Variants in TYR observed in about 807,000 individuals in gnomAD.
The protein encoded by TYR is LB24-AB.
In TYR, 58 loss-of-function variants were observed where a neutral mutation model predicts 51.5. The ratio of observed to expected loss-of-function variants is 1.13; its 90% CI spans 0.91 to 1.40. The LOEUF (loss-of-function observed/expected upper bound fraction) is 1.40. Ranked by LOEUF, TYR falls within the 40% of genes most tolerant of loss-of-function variation. The pLI is 0.00. For missense variants in TYR, 732 were observed against 647.4 expected, an observed-to-expected ratio of 1.13 and a Z score of -1.42; for synonymous variants, 263 against 235.2, an observed-to-expected ratio of 1.12 and a Z score of -1.08.
intron 3 of TYR, among the ~76,000 whole-genome samples, chr11:89,231,094 T>C (rs12808354): frequency 0.23 from 34,516 of 148,826 alleles, 6,366 homozygotes; most frequent in African/African-American, 0.52. Flanking sequence ...TTGTTTTAAC[T>C]TGGGAGGTAG....
At chr11:89,195,389 G>A (rs991746446) in intron 2 of TYR, among the ~76,000 whole-genome samples, 1 of 152,070 alleles carries the variant, frequency 6.6e-6, no homozygotes. Context: ...GTGTAAGAGA[G>A]ACCACATGGC....
intron 3 of TYR, among the ~76,000 whole-genome samples, chr11:89,263,466 G>A (rs897693842): frequency 8.6e-5 from 13 of 152,030 alleles, no homozygotes; most frequent in Admixed American, 7.9e-4. Context: ...AGGCAAAGAT[G>A]TTTGCTTAGA....
At chr11:89,276,871 C>T (rs1565420930) in intron 3 of TYR, among the ~76,000 whole-genome samples, 1 of 151,766 alleles carries the variant, frequency 6.6e-6, no homozygotes, top group Admixed American at 6.6e-5. Flanking sequence ...GTAGCCAAGA[C>T]CCCTTGATTC....
rs187416467 is a variant in TYR, at chr11:89,256,972, C to T, written c.1185-27801C>T. Among the ~76,000 whole-genome samples the T allele has an allele frequency of 1.2e-3, 184 of 151,846 alleles. 1 individual carries two copies. The highest frequency in any genetic ancestry group is 3.5e-3 in the African/African-American group (146 of 41,450). On this transcript the variant is annotated intron_variant, in intron 3 of 4. Transcript: ENST00000263321. ...TAGGGGTGTGAGGGAATGGGGAATACGGCCTAAAGCATGTTGAAACTTCTT... is the reference window on the plus strand; with the variant it reads ...TAGGGGTGTGAGGGAATGGGGAATATGGCCTAAAGCATGTTGAAACTTCTT...
chr11:89,239,068 T>A (rs925333090), intron 3 of TYR, among the ~76,000 whole-genome samples: 1 of 152,178 alleles, frequency 6.6e-6, no homozygotes, highest in African/African-American at 2.4e-5. Context: ...CTAGTCTGGC[T>A]TTGGTATCAA....
At chr11:89,276,561 A>G (rs1407602361) in intron 3 of TYR, among the ~76,000 whole-genome samples, 1 of 151,726 alleles carries the variant, frequency 6.6e-6, no homozygotes, top group African/African-American at 2.4e-5. Flanking sequence ...TTATGCTAAT[A>G]CATATCCTTT....
intron 3 of TYR, among the ~76,000 whole-genome samples, chr11:89,252,553 G>A (rs1035228360): frequency 6.6e-6 from 1 of 151,858 alleles, no homozygotes; most frequent in Non-Finnish European, 1.5e-5. Flanking sequence ...GAAGATTTTA[G>A]CCTTCAAGAC....
chr11:89,192,315 A>AT (rs1193154092), intron 2 of TYR, among the ~76,000 whole-genome samples: 1 of 151,604 alleles, frequency 6.6e-6, no homozygotes, highest in African/African-American at 2.4e-5. Context: ...ACAAAAACAA[A>AT]CAAAAAAAAA....
At chr11:89,201,496 C>A (rs1034720270) in intron 2 of TYR, among the ~76,000 whole-genome samples, 2 of 152,088 alleles carry the variant, frequency 1.3e-5, no homozygotes, top group African/African-American at 4.8e-5. Context: ...ATTAAAAAGG[C>A]ATGTAAAAAA....
intron 2 of TYR, among the ~76,000 whole-genome samples, chr11:89,206,880 G>C (rs1243919991): frequency 6.6e-6 from 1 of 151,784 alleles, no homozygotes; most frequent in Non-Finnish European, 1.5e-5. Context: ...AATAACCCAA[G>C]GAGTAAAGAG....
At chr11:89,246,289 T>C (rs1944266581) in intron 3 of TYR, among the ~76,000 whole-genome samples, 1 of 152,200 alleles carries the variant, frequency 6.6e-6, no homozygotes, top group Non-Finnish European at 1.5e-5. Context: ...TTTTGTGTGA[T>C]CTTAGGAAAG....
chr11:89,245,561 G>A (rs910494084), intron 3 of TYR, among the ~76,000 whole-genome samples: 2 of 152,152 alleles, frequency 1.3e-5, no homozygotes, highest in African/African-American at 4.8e-5. Context: ...TCCAAGCAAA[G>A]CAAGTTGATA....
intron 1 of TYR, among the ~76,000 whole-genome samples, chr11:89,190,401 G>C (rs1042883816): frequency 6.6e-6 from 1 of 152,020 alleles, no homozygotes; most frequent in Non-Finnish European, 1.5e-5. Context: ...GTATGCTTGT[G>C]TCTCAGTTTT....
At chr11:89,267,752 T>C (rs888169195) in intron 3 of TYR, among the ~76,000 whole-genome samples, 3 of 151,944 alleles carry the variant, frequency 2.0e-5, no homozygotes, top group African/African-American at 7.2e-5. Flanking sequence ...TCTTTTTCAA[T>C]GTTTTTCTTT....
intron 2 of TYR, chr11:89,191,954 G>C (rs574357609): frequency 9.5e-6 from 4 of 421,266 alleles, no homozygotes; most frequent in African/African-American, 8.4e-5. Flanking sequence ...ATAAGTCTGT[G>C]GACTGATACT....
rs564138835 is a variant in TYR at position 89,284,949 on chromosome 11, A to T, written c.1361A>T (p.Asp454Val). Residue 454 changes from aspartate (D) to valine (V), a missense_variant, in exon 4 of 5, where the codon GAT (aspartate) becomes GTT (valine). By Grantham distance (152) the Asp-to-Val change is radical. Coordinates refer to ENST00000263321, the MANE Select transcript of TYR (RefSeq NM_000372.5). ...DLGYDYSYLQ[D>V]SDPDSFQDYI... The stretch of plus-strand genomic sequence containing the variant: ...GGCTATGACTATAGCTATCTACAAG[A>T]TTCAGGTAAAGTTTACTTTCTTTCA... 3 of 1,611,004 alleles carry T rather than the reference A, an allele frequency of 1.9e-6. No individual in the cohort carries two copies. The highest frequency in any genetic ancestry group is 2.5e-6 in the Non-Finnish European group (3 of 1,177,816).
intron 3 of TYR, among the ~76,000 whole-genome samples, chr11:89,257,086 C>G: frequency 6.6e-6 from 1 of 151,906 alleles, no homozygotes; most frequent in East Asian, 1.9e-4. Flanking sequence ...AGAACAGTCA[C>G]TGAAATAAAC....
intron 1 of TYR, among the ~76,000 whole-genome samples, chr11:89,187,703 A>G (rs1347204838): frequency 1.3e-5 from 2 of 152,100 alleles, no homozygotes; most frequent in Non-Finnish European, 2.9e-5. Flanking sequence ...CTGTTTTCTC[A>G]TTGATGAGAT....
At chr11:89,261,073 T>A (rs1344732000) in intron 3 of TYR, among the ~76,000 whole-genome samples, 2 of 152,032 alleles carry the variant, frequency 1.3e-5, no homozygotes, top group Non-Finnish European at 2.9e-5. Context: ...TTATCTTCTA[T>A]GAAACCAGCC....
Sources: gnomAD v4.1 joint callset for allele counts (sites outside exome capture counted in the v4.1 genomes callset) on GRCh38, gnomAD v4.1.1 for gene constraint, MANE v1.5 for transcripts, NCBI Gene and HGNC (gene_info 2026-07-23, HGNC 2026-07-21) for gene names.